Variants in HMGCLL1 observed in about 807,000 individuals in gnomAD.
HMGCLL1 encodes the protein 3-hydroxymethyl-3-methylglutaryl-CoA lyase, cytoplasmic.
Under a neutral mutation model 39.1 loss-of-function variants are expected in HMGCLL1, and 36 were observed. The observed-to-expected ratio is 0.92, with a 90% CI of 0.71 to 1.22. The LOEUF (loss-of-function observed/expected upper bound fraction) is 1.22. Among genes scored for constraint, HMGCLL1 ranks in the 50% most tolerant of loss-of-function variants. HMGCLL1 has a pLI of 0.00. For missense variants in HMGCLL1, 451 were observed against 416.5 expected, an observed-to-expected ratio of 1.08 and a Z score of -0.72; for synonymous variants, 149 against 144.0, an observed-to-expected ratio of 1.03 and a Z score of -0.25.
the HMGCLL1 span, among the ~76,000 whole-genome samples, chr6:55,609,341 G>T: frequency 6.6e-6 from 1 of 152,110 alleles, no homozygotes; most frequent in East Asian, 1.9e-4. Context: ...CTTTTCCTCT[G>T]CTGGAGCCGG....
At chr6:55,574,113 A>G (rs1274319132) in intron 1 of HMGCLL1, among the ~76,000 whole-genome samples, 1 of 151,688 alleles carries the variant, frequency 6.6e-6, no homozygotes, top group East Asian at 1.9e-4. Flanking sequence ...AACATCATAT[A>G]TGTGTGTGTG....
At chr6:55,634,196 G>A in the HMGCLL1 span, among the ~76,000 whole-genome samples, 1 of 151,980 alleles carries the variant, frequency 6.6e-6, no homozygotes, top group Non-Finnish European at 1.5e-5. Context: ...TGGAGAGCAG[G>A]GAGGTCATTA....
chr6:55,652,303 G>A, the HMGCLL1 span, among the ~76,000 whole-genome samples: 3 of 151,702 alleles, frequency 2.0e-5, no homozygotes, highest in East Asian at 5.8e-4. Context: ...GGACTTCAAT[G>A]TTGTCATACC....
Position 55,516,623 on chromosome 6 carries a change from T to C in HMGCLL1, c.298-20A>G, listed in dbSNP as rs760339181. On this transcript the variant is annotated intron_variant, in intron 3 of 8. Transcript: ENST00000274901. ...AGCCATCTTAAATACATAATAGTTATATGTAAATGTGTAACTTCGAATATG... is the reference window on the plus strand; with the variant it reads ...AGCCATCTTAAATACATAATAGTTACATGTAAATGTGTAACTTCGAATATG... The C allele has an allele frequency of 6.1e-6, 9 of 1,473,146 alleles. No individual in the cohort carries two copies. Among genetic ancestry groups the C allele is most frequent in the African/African-American group, 2.8e-5 (2 of 72,516 alleles). 91.3% of individuals were successfully genotyped at this position (1,473,146 alleles called of 1,614,324 possible).
the HMGCLL1 span, among the ~76,000 whole-genome samples, chr6:55,625,345 G>T: frequency 6.6e-6 from 1 of 152,074 alleles, no homozygotes; most frequent in African/African-American, 2.4e-5. Flanking sequence ...GACCGGACTC[G>T]AGAAGGTCCT....
intron 5 of HMGCLL1, among the ~76,000 whole-genome samples, chr6:55,504,728 C>T (rs1767065732): frequency 6.6e-6 from 1 of 151,370 alleles, no homozygotes. Flanking sequence ...ATGTATAACC[C>T]ATGGATATTG....
At chr6:55,438,321 T>C (rs577113856) in intron 8 of HMGCLL1, among the ~76,000 whole-genome samples, 1 of 152,222 alleles carries the variant, frequency 6.6e-6, no homozygotes, top group South Asian at 2.1e-4. Flanking sequence ...TCAATAAATA[T>C]TTATGGAGCA....
intron 6 of HMGCLL1, among the ~76,000 whole-genome samples, chr6:55,498,860 A>T (rs960007812): frequency 6.6e-6 from 1 of 152,142 alleles, no homozygotes; most frequent in African/African-American, 2.4e-5. Context: ...GGAGCAAAAC[A>T]GGGATGCTGC....
chr6:55,451,767 T>A (rs979151258), intron 7 of HMGCLL1, among the ~76,000 whole-genome samples: 4 of 152,134 alleles, frequency 2.6e-5, no homozygotes, highest in African/African-American at 7.2e-5. Context: ...GTTAATAAGT[T>A]TTTTTAAGTG....
intron 7 of HMGCLL1, among the ~76,000 whole-genome samples, chr6:55,462,370 G>C (rs558885884): frequency 1.1e-4 from 16 of 152,028 alleles, no homozygotes; most frequent in African/African-American, 3.6e-4. Context: ...TCAGTCCGTG[G>C]GTTTGTTCCC....
At chr6:55,594,251 G>A in the HMGCLL1 span, among the ~76,000 whole-genome samples, 1 of 152,004 alleles carries the variant, frequency 6.6e-6, no homozygotes, top group Admixed American at 6.6e-5. Flanking sequence ...CTTCTCACTA[G>A]TTCAAATGTC....
chr6:55,440,691 A>C (rs1763558262), intron 7 of HMGCLL1, among the ~76,000 whole-genome samples: 1 of 152,074 alleles, frequency 6.6e-6, no homozygotes, highest in Non-Finnish European at 1.5e-5. Context: ...CTGGAAGCAG[A>C]GCTCTTTCCA....
chr6:55,499,331 A>G (rs375702103), intron 5 of HMGCLL1, 32 bp from the exon 6 acceptor site: 1 of 1,469,394 alleles, frequency 6.8e-7, no homozygotes, highest in Non-Finnish European at 9.3e-7. Context: ...ATAAATATGC[A>G]TATGGTAAAT....
chr6:55,516,796 T>C (rs9464254), intron 3 of HMGCLL1, among the ~76,000 whole-genome samples, 193 bp from the exon 4 acceptor site: 103,781 of 151,898 alleles, frequency 0.68, 35,508 homozygotes, highest in Admixed American at 0.72. Context: ...TAGAGATAAG[T>C]TTAACTGTTT....
chr6:55,468,120 T>C (rs1764870703), intron 7 of HMGCLL1, among the ~76,000 whole-genome samples: 1 of 151,918 alleles, frequency 6.6e-6, no homozygotes, highest in East Asian at 1.9e-4. Flanking sequence ...CTAACAAGGG[T>C]TGGGATCTCT....
At chr6:55,566,733 T>G in intron 1 of HMGCLL1, 3 of 437,644 alleles carry the variant, frequency 6.9e-6, no homozygotes, top group Middle Eastern at 7.1e-4. Flanking sequence ...CTAATTTCTC[T>G]GATCTTTACA....
the HMGCLL1 span, among the ~76,000 whole-genome samples, chr6:55,625,541 C>A: frequency 2.0e-5 from 3 of 152,050 alleles, no homozygotes; most frequent in African/African-American, 4.8e-5. Context: ...CAGGCACCAC[C>A]CGAAAATGGA....
intron 7 of HMGCLL1, among the ~76,000 whole-genome samples, chr6:55,446,081 T>A (rs992824572): frequency 7.9e-5 from 12 of 151,880 alleles, no homozygotes; most frequent in Admixed American, 4.6e-4. Flanking sequence ...GGACTTGGAA[T>A]AAATAAAAGT....
chr6:55,637,028 C>A, the HMGCLL1 span, among the ~76,000 whole-genome samples: 3 of 152,002 alleles, frequency 2.0e-5, no homozygotes. Flanking sequence ...TTTTAAAGAG[C>A]CAGCTAAAAA....
Sources: gnomAD v4.1 joint callset for allele counts (sites outside exome capture counted in the v4.1 genomes callset) on GRCh38, gnomAD v4.1.1 for gene constraint, MANE v1.5 for transcripts, NCBI Gene and HGNC (gene_info 2026-07-23, HGNC 2026-07-21) for gene names.